STOX2: variants seen among roughly 807,000 people sequenced by gnomAD.
STOX2 encodes storkhead-box protein 2.
In STOX2, 28 loss-of-function variants were observed where a neutral mutation model predicts 60.9. That is an observed-to-expected ratio of 0.46 (90% confidence interval 0.34 to 0.63). STOX2 has a LOEUF of 0.63. Ranked by LOEUF, STOX2 falls within the 30% of genes least tolerant of loss-of-function variation. The pLI is 0.01. For missense variants in STOX2, 1,024 were observed against 1,187.7 expected (o/e 0.86, Z 2.03); for synonymous variants, 472 against 463.9 (o/e 1.02, Z -0.22).
intron 1 of STOX2, among the ~76,000 whole-genome samples, chr4:183,874,990 T>TAA (rs1740796113): frequency 1.2e-5 from 1 of 81,800 alleles, no homozygotes; most frequent in African/African-American, 5.4e-5. Flanking sequence ...TATATATATA[T>TAA]ATAAAACTTA....
intron 1 of STOX2, among the ~76,000 whole-genome samples, chr4:183,896,050 G>A (rs537017082): frequency 8.6e-4 from 131 of 152,342 alleles, no homozygotes; most frequent in African/African-American, 2.9e-3. Context: ...CAACAGGGCG[G>A]CTCCTAAGGC....
chr4:183,903,106 A>G (rs1455445908), upstream of STOX2, among the ~76,000 whole-genome samples: 2 of 152,210 alleles, frequency 1.3e-5, no homozygotes, highest in African/African-American at 4.8e-5. Flanking sequence ...AAGAAATTCT[A>G]AAAATATCAT....
intron 1 of STOX2, among the ~76,000 whole-genome samples, chr4:183,914,641 C>T (rs1232195127): frequency 6.6e-6 from 1 of 152,042 alleles, no homozygotes; most frequent in Non-Finnish European, 1.5e-5. Flanking sequence ...CGGCAGTGTT[C>T]GTTGTGAACA....
intron 3 of STOX2, among the ~76,000 whole-genome samples, chr4:184,013,227 T>C (rs575844602): frequency 1.6e-4 from 24 of 152,358 alleles, no homozygotes; most frequent in East Asian, 7.7e-4. Context: ...CTGCATAATA[T>C]TGAAAGTTTT....
chr4:183,958,021 C>T (rs572786197), intron 1 of STOX2, among the ~76,000 whole-genome samples: 60 of 148,624 alleles, frequency 4.0e-4, no homozygotes, highest in Non-Finnish European at 7.4e-4. Context: ...AACCCAAGAT[C>T]GTGAATGAGG....
chr4:183,847,434 G>A (rs1740013864), intron 1 of STOX2, among the ~76,000 whole-genome samples: 1 of 152,144 alleles, frequency 6.6e-6, no homozygotes, highest in Non-Finnish European at 1.5e-5. Flanking sequence ...AGTGACAAAT[G>A]TTTATTGGGT....
chr4:183,943,674 C>T (rs1254098484), intron 1 of STOX2, among the ~76,000 whole-genome samples: 4 of 152,234 alleles, frequency 2.6e-5, no homozygotes, highest in African/African-American at 7.2e-5. Context: ...GTCAGGAGTT[C>T]GAGACCAGCC....
At position 184,021,962 on chromosome 4, in the gene STOX2, C is replaced by T. The variant is rs1363574032; in HGVS notation, c.*4678C>T. ...CCCCCAGGACCATCCCGCCCATTGT[C>T]AACGTCATCCAGGGCTCTTCTGGTA... On this transcript the variant is annotated 3_prime_UTR_variant, in exon 4 of 4. Transcript: ENST00000308497. 1.3e-5 allele frequency: 2 copies of T among 152,296 alleles called. No homozygotes were observed. Among genetic ancestry groups the T allele is most frequent in the Non-Finnish European group, 2.9e-5 (2 of 68,158 alleles). The allele number at this position is 152,296 out of a possible 1,614,324, so 9.4% of individuals were successfully genotyped here. A position where few individuals can be genotyped will look rare whatever the true frequency, so the allele number is the denominator to read the frequency against.
intron 1 of STOX2, among the ~76,000 whole-genome samples, chr4:183,946,890 G>A (rs1190705267): frequency 6.6e-6 from 1 of 152,158 alleles, no homozygotes; most frequent in Non-Finnish European, 1.5e-5. Flanking sequence ...GCCTCCCAGA[G>A]TGCTGGGATT....
At chr4:183,974,690 A>G (rs1732386967) in intron 1 of STOX2, among the ~76,000 whole-genome samples, 1 of 152,212 alleles carries the variant, frequency 6.6e-6, no homozygotes, top group African/African-American at 2.4e-5. Context: ...TGTACCTAAC[A>G]ACAAAGTTTC....
Position 184,019,001 on chromosome 4 carries a change from T to A in STOX2, c.*1717T>A, listed in dbSNP as rs917926924. 1 of 152,262 alleles carries A rather than the reference T, an allele frequency of 6.6e-6. No individual in the cohort carries two copies. The highest frequency in any genetic ancestry group is 1.5e-5 in the Non-Finnish European group (1 of 68,044). 9.4% of individuals were successfully genotyped at this position (152,262 alleles called of 1,614,324 possible). A position where few individuals can be genotyped will look rare whatever the true frequency, so the allele number is the denominator to read the frequency against. Reference sequence around the variant, plus strand: ...TGGCATATGATTTGTGAGACGCATCTGTTTTTGTATGAGGTTTAATCACTA... The same window carrying A: ...TGGCATATGATTTGTGAGACGCATCAGTTTTTGTATGAGGTTTAATCACTA... On this transcript the variant is annotated 3_prime_UTR_variant, in exon 4 of 4. Coordinates refer to ENST00000308497, the MANE Select transcript of STOX2 (RefSeq NM_020225.3).
At chr4:183,886,356 G>GA (rs1183959783) in intron 1 of STOX2, among the ~76,000 whole-genome samples, 1 of 150,828 alleles carries the variant, frequency 6.6e-6, no homozygotes, top group African/African-American at 2.4e-5. Flanking sequence ...AAAGGGGGGG[G>GA]AATGAGGAAA....
intron 1 of STOX2, among the ~76,000 whole-genome samples, chr4:183,956,111 T>C (rs954110535): frequency 1.4e-5 from 2 of 148,048 alleles, no homozygotes; most frequent in African/African-American, 4.9e-5. Context: ...GAGAGGTAAC[T>C]GTATTAGATG....
At chr4:183,922,946 G>A (rs1206252107) in intron 1 of STOX2, among the ~76,000 whole-genome samples, 2 of 152,122 alleles carry the variant, frequency 1.3e-5, no homozygotes, top group African/African-American at 4.8e-5. Flanking sequence ...CCATGTTGTA[G>A]CGTGTGTTGG....
At position 184,018,466 on chromosome 4, in the gene STOX2, C is replaced by CCCG. The variant is rs377270179; in HGVS notation, c.*1183_*1184insCGC. 1.3e-5 allele frequency: 2 copies of CCCG among 151,730 alleles called. No homozygotes were observed. Among genetic ancestry groups the CCCG allele is most frequent in the Non-Finnish European group, 2.9e-5 (2 of 67,928 alleles). 9.4% of individuals were successfully genotyped at this position (151,730 alleles called of 1,614,324 possible). ...TTTTTGATTAGAAATATACATGTGC[C>CCCG]CATGTAATAAACAACAGAATGTGCT... On this transcript the variant is annotated 3_prime_UTR_variant, in exon 4 of 4. Coordinates refer to ENST00000308497, the MANE Select transcript of STOX2 (RefSeq NM_020225.3).
At chr4:183,943,767 C>T (rs527623876) in intron 1 of STOX2, among the ~76,000 whole-genome samples, 2 of 152,176 alleles carry the variant, frequency 1.3e-5, no homozygotes, top group East Asian at 1.9e-4. Context: ...GTCCCAGCTA[C>T]GCGGGAGGCT....
At chr4:183,949,479 T>C (rs762329648) in intron 1 of STOX2, among the ~76,000 whole-genome samples, 5 of 151,958 alleles carry the variant, frequency 3.3e-5, no homozygotes, top group Non-Finnish European at 5.9e-5. Context: ...GTGGGCGGAT[T>C]ACAAGGTCAG....
intron 1 of STOX2, among the ~76,000 whole-genome samples, chr4:183,830,599 G>A (rs954729999): frequency 6.6e-6 from 1 of 152,198 alleles, no homozygotes; most frequent in Non-Finnish European, 1.5e-5. Context: ...GGCCTGGCTA[G>A]TAGTCACTCC....
At chr4:183,966,715 T>C (rs1743580728) in intron 1 of STOX2, among the ~76,000 whole-genome samples, 1 of 152,180 alleles carries the variant, frequency 6.6e-6, no homozygotes, top group African/African-American at 2.4e-5. Flanking sequence ...GCTTAAATGG[T>C]TGTAATTAGA....
Sources: gnomAD v4.1 joint callset for allele counts (sites outside exome capture counted in the v4.1 genomes callset) on GRCh38, gnomAD v4.1.1 for gene constraint, MANE v1.5 for transcripts, NCBI Gene and HGNC (gene_info 2026-07-23, HGNC 2026-07-21) for gene names.